Variants in HTT observed in about 807,000 individuals in gnomAD.
HTT encodes the protein huntington disease protein.
HTT carries 104 observed loss-of-function variants against 362.3 expected under a neutral mutation model. The ratio of observed to expected loss-of-function variants is 0.29; its 90% confidence interval spans 0.24 to 0.34. HTT has a LOEUF of 0.34. Among genes scored for constraint, HTT ranks in the 10% least tolerant of loss-of-function variants. The probability of loss-of-function intolerance (pLI) is 1.00; values close to 1 mark genes in which losing one functional copy is unlikely to be tolerated. For synonymous variants in HTT, 1,577 were observed against 1,548.7 expected, an observed-to-expected ratio of 1.02 and a Z score of -0.43; for missense variants, 3,301 against 3,928.6, an observed-to-expected ratio of 0.84 and a Z score of 4.27.
Position 3,074,932 on chromosome 4 carries a change from AG to A in HTT, c.108del (p.Gln36HisfsTer65), listed in dbSNP as rs1560535139. ...QQQQQQQQQQ[Q>X]QQPPPPPPPP... ...CAGCAGCAGCAGCAGCAGCAGCAGC[AG>A]CAACAGCCGCCACCGCCGCCGCCGC... On this transcript the variant is annotated frameshift_variant, in exon 1 of 67. Coordinates refer to ENST00000355072, the MANE Select transcript of HTT (RefSeq NM_001388492.1). LOFTEE classifies it high-confidence loss of function. The A allele has an allele frequency of 1.0e-5, 13 of 1,283,134 alleles. No homozygotes were observed. The East Asian group carries it at 1.6e-4, about 16-fold the overall frequency. The allele number at this position is 1,283,134 out of a possible 1,614,324, so 79.5% of individuals were successfully genotyped here.
rs141920738 is a variant in HTT at position 3,136,520 on chromosome 4, A to G, written c.2798+194A>G. On this transcript the variant is annotated intron_variant, in intron 21 of 66. Coordinates refer to ENST00000355072, the MANE Select transcript of HTT (RefSeq NM_001388492.1). ...TAAAATTATAATTAAAAAAACAACAAAATACTAACTGTCCATTGTAAAAAG... is the reference window on the plus strand; with the variant it reads ...TAAAATTATAATTAAAAAAACAACAGAATACTAACTGTCCATTGTAAAAAG... Among the ~76,000 whole-genome samples, 254 of 152,280 alleles carry G rather than the reference A, an allele frequency of 1.7e-3. 2 individuals are homozygous for G. Among genetic ancestry groups the G allele is most frequent in the Admixed American group, 3.0e-3 (46 of 15,298 alleles).
chr4:3,223,688 T>C (rs1720778738), intron 55 of HTT, 128 bp downstream of exon 55: 1 of 894,952 alleles, frequency 1.1e-6, no homozygotes, highest in Admixed American at 2.8e-5. Flanking sequence ...ACACCGTCCG[T>C]GTGGCCTGTG....
chr4:3,155,635 A>C (rs1370796961), intron 27 of HTT, among the ~76,000 whole-genome samples: 2 of 149,446 alleles, frequency 1.3e-5, no homozygotes, highest in East Asian at 4.0e-4. Flanking sequence ...TAATCCCAGC[A>C]CTTTGGGAGG....
intron 21 of HTT, among the ~76,000 whole-genome samples, chr4:3,140,260 CAAAAAAA>C (rs754479930): frequency 1.2e-5 from 1 of 83,090 alleles, no homozygotes; most frequent in Non-Finnish European, 2.5e-5. Flanking sequence ...CATTCTGTCT[CAAAAAAA>C]AAAAAAAAAG....
chr4:3,150,648 A>G (rs1203245913), intron 26 of HTT, among the ~76,000 whole-genome samples: 1 of 152,164 alleles, frequency 6.6e-6, no homozygotes, highest in East Asian at 1.9e-4. Context: ...CCCCTACTAA[A>G]TATTTTGCGA....
At chr4:3,125,728 C>A in intron 11 of HTT, 99 bp downstream of exon 11, 1 of 847,138 alleles carries the variant, frequency 1.2e-6, no homozygotes, top group Non-Finnish European at 2.0e-6. Context: ...GACAGCACGA[C>A]TGGGGGCAGC....
Position 3,074,748 on chromosome 4 carries a change from T to G in HTT, c.-78T>G. On this transcript the variant is annotated 5_prime_UTR_variant, in exon 1 of 67. Coordinates refer to ENST00000355072, the MANE Select transcript of HTT (RefSeq NM_001388492.1). ...CTTTTACCTGCGGCCCAGAGCCCCA[T>G]TCATTGCCCCGGTGCTGAGCGGCGC... 5.6e-6 allele frequency: 8 copies of G among 1,417,906 alleles called. No individual in the cohort carries two copies. Among genetic ancestry groups the G allele is most frequent in the Non-Finnish European group, 4.7e-6 (5 of 1,066,830 alleles). 87.8% of individuals were successfully genotyped at this position (1,417,906 alleles called of 1,614,324 possible). A position where few individuals can be genotyped will look rare whatever the true frequency, so the allele number is the denominator to read the frequency against.
intron 2 of HTT, among the ~76,000 whole-genome samples, chr4:3,091,678 C>G (rs1344184108): frequency 6.6e-6 from 1 of 152,198 alleles, no homozygotes; most frequent in African/African-American, 2.4e-5. Flanking sequence ...TTAAACCACC[C>G]AGTCTGTATG....
At chr4:3,190,752 C>T (rs1166834974) in intron 40 of HTT, among the ~76,000 whole-genome samples, 2 of 152,102 alleles carry the variant, frequency 1.3e-5, no homozygotes, top group Non-Finnish European at 2.9e-5. Flanking sequence ...GCCAGCTGTG[C>T]AGCAAGCATG....
At chr4:3,219,488 T>C (rs544103713) in intron 52 of HTT, among the ~76,000 whole-genome samples, 4 of 152,080 alleles carry the variant, frequency 2.6e-5, no homozygotes, top group South Asian at 2.1e-4. Flanking sequence ...GAGAGGAGCA[T>C]AGGGGAGCAT....
At position 3,203,685 on chromosome 4, in the gene HTT, A is replaced by G. The variant is rs578012885; in HGVS notation, c.5577-322A>G. ...GGAGAATTTCAAAAGCAATTGCTCA[A>G]TTATCAAACATAGCCAGTGTGAGTT... is the stretch of plus-strand genomic sequence containing the variant. On this transcript the variant is annotated intron_variant, in intron 41 of 66. Transcript: ENST00000355072. 1.2e-4 allele frequency among the ~76,000 whole-genome samples: 18 copies of G among 152,364 alleles called. No individual in the cohort carries two copies. In the East Asian group the frequency reaches 3.1e-3, roughly 26 times the overall value.
chr4:3,163,498 A>G (rs956132342), intron 29 of HTT, among the ~76,000 whole-genome samples: 4 of 152,200 alleles, frequency 2.6e-5, no homozygotes, highest in African/African-American at 4.8e-5. Flanking sequence ...TTCAGAAGGA[A>G]TGGTACCATC....
intron 2 of HTT, among the ~76,000 whole-genome samples, chr4:3,094,301 T>A (rs13103994): frequency 6.6e-6 from 1 of 152,224 alleles, no homozygotes; most frequent in Non-Finnish European, 1.5e-5. Context: ...AAATGGAGTG[T>A]CCTATGTCTA....
At chr4:3,113,728 T>C (rs191202327) in intron 6 of HTT, among the ~76,000 whole-genome samples, 22 of 152,174 alleles carry the variant, frequency 1.4e-4, no homozygotes, top group Middle Eastern at 3.4e-3. Context: ...CAGGGAGAAA[T>C]TGGAGGCAGT....
In HTT at chr4:3,204,026, A is replaced by G; in HGVS notation, c.5596A>G (p.Thr1866Ala). The change falls in exon 42 of 67, where the codon ACA becomes GCA. Residue 1866 changes from threonine to alanine, a missense_variant. This residue lies in a region of HTT where 2,316 missense variants were observed against 2,658.5 expected (regional missense o/e 0.87). Transcript: ENST00000355072. ...QTPKRHSLSSTKLLSPQMSGE... is the reference protein window; with the variant it reads ...QTPKRHSLSSAKLLSPQMSGE... ...TTCTAGAAGACACAGTCTGTCCAGC[A>G]CAAAGTTACTTAGTCCCCAGATGTC... 2 of 1,614,234 alleles carry G rather than the reference A, an allele frequency of 1.2e-6. No individual in the cohort carries two copies. Among genetic ancestry groups the G allele is most frequent in the Non-Finnish European group, 1.7e-6 (2 of 1,180,022 alleles).
chr4:3,149,762 A>G (rs1716787946), intron 26 of HTT, among the ~76,000 whole-genome samples: 2 of 152,322 alleles, frequency 1.3e-5, no homozygotes, highest in African/African-American at 4.8e-5. Flanking sequence ...TCCCAGCCTC[A>G]GCCCACAGAG....
Position 3,127,315 on chromosome 4 carries a change from C to T in HTT, c.1454C>T (p.Ser485Phe). 1 of 1,614,082 alleles carries T rather than the reference C, an allele frequency of 6.2e-7. No individual in the cohort carries two copies. The highest frequency in any genetic ancestry group is 1.3e-5 in the African/African-American group (1 of 74,934). Residue 485 changes from serine (S) to phenylalanine (F), a missense_variant, in exon 12 of 67, where the codon TCC (serine) becomes TTC (phenylalanine). Around this residue, in one of 4 missense-constraint regions of HTT, gnomAD observed 2,316 missense variants for 2,658.5 expected, o/e 0.87. Transcript: ENST00000355072. Reference sequence around the variant, plus strand: ...GAGCTGGCTGCTTCTTCAGGGGTTTCCACTCCAGGGTCAGCAGGTCATGAC... The same window carrying T: ...GAGCTGGCTGCTTCTTCAGGGGTTTTCACTCCAGGGTCAGCAGGTCATGAC... ...SGELAASSGV[S>F]TPGSAGHDII...
intron 26 of HTT, among the ~76,000 whole-genome samples, chr4:3,149,294 CTTT>C (rs1029468563): frequency 8.4e-5 from 11 of 130,874 alleles, no homozygotes; most frequent in Admixed American, 2.3e-4. Flanking sequence ...AGTTCACATA[CTTT>C]TTTTTTTTTT....
At chr4:3,092,221 A>G (rs1223890129) in intron 2 of HTT, among the ~76,000 whole-genome samples, 1 of 151,994 alleles carries the variant, frequency 6.6e-6, no homozygotes, top group African/African-American at 2.4e-5. Context: ...ATGGGGTTTC[A>G]CTGTGTTGGC....
Sources: gnomAD v4.1 joint callset for allele counts (sites outside exome capture counted in the v4.1 genomes callset) on GRCh38, gnomAD v4.1.1 for gene constraint, gnomAD v4.1.1 regional missense constraint, MANE v1.5 for transcripts, NCBI Gene and HGNC (gene_info 2026-07-23, HGNC 2026-07-21) for gene names.